Variants in SEC63 observed in about 807,000 individuals in gnomAD.
SEC63 encodes SEC63 protein translocation regulator.
A neutral mutation model predicts 116.2 loss-of-function variants in SEC63; 56 were observed. That is an observed-to-expected ratio of 0.48 (90% CI 0.39 to 0.60). The LOEUF (loss-of-function observed/expected upper bound fraction) is 0.60. Among genes scored for constraint, SEC63 ranks in the 20% least tolerant of loss-of-function variants. SEC63 has a pLI of 0.00. For synonymous variants in SEC63, 273 were observed against 294.6 expected, an observed-to-expected ratio of 0.93 and a Z score of 0.75; for missense variants, 668 against 900.0, an observed-to-expected ratio of 0.74 and a Z score of 3.30.
At chr6:107,907,523 G>A (rs1016201363) in intron 8 of SEC63, among the ~76,000 whole-genome samples, 1 of 152,138 alleles carries the variant, frequency 6.6e-6, no homozygotes, top group African/African-American at 2.4e-5. Context: ...CAGACGTTGT[G>A]GTGAGCTGAG....
At chr6:107,877,831 C>T (rs1562312863) in intron 18 of SEC63, among the ~76,000 whole-genome samples, 1 of 152,136 alleles carries the variant, frequency 6.6e-6, no homozygotes, top group Non-Finnish European at 1.5e-5. Context: ...CGCTACTAAG[C>T]ACAACTAAAA....
At chr6:107,876,787 A>C in intron 18 of SEC63, 125 bp from the exon 19 acceptor site, 1 of 668,878 alleles carries the variant, frequency 1.5e-6, no homozygotes, top group Non-Finnish European at 2.6e-6. Flanking sequence ...CTTGGTACAA[A>C]ATAGGTATTC....
intron 10 of SEC63, among the ~76,000 whole-genome samples, chr6:107,905,461 A>G (rs1176961521): frequency 6.6e-6 from 1 of 152,218 alleles, no homozygotes; most frequent in East Asian, 1.9e-4. Context: ...GATATCATTC[A>G]AAAAGAACAT....
chr6:107,956,270 C>T (rs909836889), intron 1 of SEC63, among the ~76,000 whole-genome samples: 1 of 152,130 alleles, frequency 6.6e-6, no homozygotes, highest in African/African-American at 2.4e-5. Flanking sequence ...CTCCCAATAC[C>T]TTTTTGTTTT....
intron 18 of SEC63, among the ~76,000 whole-genome samples, chr6:107,879,575 T>C (rs1786363769): frequency 6.6e-6 from 1 of 152,166 alleles, no homozygotes; most frequent in African/African-American, 2.4e-5. Flanking sequence ...TCCACCCACC[T>C]CGTCCCCACA....
At chr6:107,926,282 ATGAATGACTTTTATTTCTTATAC>A (rs1251261208) in intron 2 of SEC63, among the ~76,000 whole-genome samples, 9 of 152,348 alleles carry the variant, frequency 5.9e-5, no homozygotes, top group East Asian at 1.9e-4. Flanking sequence ...GCTTTAGGTG[ATGAATGACTTTTATTTCTTATAC>A]TGAATGACTT....
At chr6:107,878,480 T>C (rs1438754315) in intron 18 of SEC63, among the ~76,000 whole-genome samples, 1 of 152,210 alleles carries the variant, frequency 6.6e-6, no homozygotes, top group African/African-American at 2.4e-5. Context: ...TTAAAGATTA[T>C]GCACTTCTTT....
At chr6:107,944,449 G>A (rs1335140351) in intron 1 of SEC63, among the ~76,000 whole-genome samples, 1 of 152,186 alleles carries the variant, frequency 6.6e-6, no homozygotes, top group African/African-American at 2.4e-5. Context: ...TGTAATCCCA[G>A]CACTTTGGGA....
chr6:107,908,317 CAAAG>C (rs987141977), intron 8 of SEC63, among the ~76,000 whole-genome samples: 16 of 142,694 alleles, frequency 1.1e-4, no homozygotes, highest in Non-Finnish European at 2.1e-4. Context: ...TTTATATAAT[CAAAG>C]AAAGTGAAAA....
At chr6:107,896,809 T>A (rs1173016434) in intron 14 of SEC63, among the ~76,000 whole-genome samples, 1 of 151,958 alleles carries the variant, frequency 6.6e-6, no homozygotes, top group East Asian at 1.9e-4. Context: ...TGAAACCCCA[T>A]CTCTACTAAA....
At chr6:107,906,903 G>A (rs1469321502) in intron 8 of SEC63, 126 bp from the exon 9 acceptor site, 5 of 723,784 alleles carry the variant, frequency 6.9e-6, no homozygotes, top group Non-Finnish European at 1.2e-5. Flanking sequence ...AAAATTATCT[G>A]AACTCCACTG....
At chr6:107,897,569 G>T in intron 14 of SEC63, 80 bp downstream of exon 14, 2 of 1,011,228 alleles carry the variant, frequency 2.0e-6, no homozygotes, top group South Asian at 2.7e-5. Context: ...CAACAGTTTT[G>T]ACTTTGACAA....
intron 16 of SEC63, among the ~76,000 whole-genome samples, chr6:107,890,700 C>G (rs1786661029): frequency 6.6e-6 from 1 of 152,146 alleles, no homozygotes. Context: ...TTTGCAGTGG[C>G]TGGTACTGGT....
chr6:107,908,502 T>A (rs1787201809), intron 8 of SEC63, among the ~76,000 whole-genome samples: 1 of 152,200 alleles, frequency 6.6e-6, no homozygotes, highest in African/African-American at 2.4e-5. Context: ...GGATATCACT[T>A]ACTGTGTATC....
At chr6:107,897,271 T>C (rs142536858) in intron 14 of SEC63, among the ~76,000 whole-genome samples, 103 of 152,322 alleles carry the variant, frequency 6.8e-4, no homozygotes, top group African/African-American at 2.4e-3. Context: ...GTTATTTTTA[T>C]TGTAATTCTT....
intron 13 of SEC63, among the ~76,000 whole-genome samples, chr6:107,900,592 G>A (rs6938756): frequency 0.87 from 132,206 of 152,136 alleles, 57,605 homozygotes; most frequent in Middle Eastern, 0.92. Context: ...AGGACGCAGT[G>A]AGCCAAAATC....
chr6:107,877,071 G>GTA lies in SEC63; in HGVS notation c.1936-411_1936-410dup, dbSNP rs1554231968. 42 of 34,670 alleles carry GTA rather than the reference G, an allele frequency of 1.2e-3. No individual in the cohort carries two copies. In the South Asian group the frequency reaches 0.039, roughly 33 times the overall value. 2.1% of individuals were successfully genotyped at this position (34,670 alleles called of 1,614,324 possible). A position where few individuals can be genotyped will look rare whatever the true frequency, so the allele number is the denominator to read the frequency against. On this transcript the variant is annotated intron_variant, in intron 18 of 20. Coordinates refer to ENST00000369002, the MANE Select transcript of SEC63 (RefSeq NM_007214.5). ...GGAAGGAACATATATATATGTGTGT[G>GTA]TATATATATATATATACACATATAT...
chr6:107,935,475 TG>T (rs1435160375), intron 1 of SEC63, among the ~76,000 whole-genome samples: 1 of 150,868 alleles, frequency 6.6e-6, no homozygotes, highest in Admixed American at 6.6e-5. Flanking sequence ...GGGATCCTGT[TG>T]ATCGGTGACC....
intron 18 of SEC63, chr6:107,880,881 A>G (rs996641009): frequency 1.0e-5 from 4 of 394,914 alleles, no homozygotes; most frequent in South Asian, 2.8e-5. Flanking sequence ...ACCATTACAC[A>G]TAACACTCAG....
Sources: gnomAD v4.1 joint callset for allele counts (sites outside exome capture counted in the v4.1 genomes callset) on GRCh38, gnomAD v4.1.1 for gene constraint, MANE v1.5 for transcripts, NCBI Gene and HGNC (gene_info 2026-07-23, HGNC 2026-07-21) for gene names.